The following SLC22A14 variants were observed in gnomAD, a reference collection of about 807,000 sequenced individuals.
SLC22A14 encodes organic cation transporter-like 4.
SLC22A14 carries 50 observed loss-of-function variants against 53.9 expected under a neutral mutation model. The ratio of observed to expected loss-of-function variants is 0.93; its 90% confidence interval spans 0.74 to 1.17. SLC22A14 has a LOEUF of 1.17. Among genes scored for constraint, SLC22A14 ranks in the 50% most tolerant of loss-of-function variants. The probability of loss-of-function intolerance (pLI) is 0.00; values close to 1 mark genes in which losing one functional copy is unlikely to be tolerated. For missense variants in SLC22A14, 671 were observed against 734.7 expected (o/e 0.91, Z 1.00); for synonymous variants, 312 against 303.0 (o/e 1.03, Z -0.31).
chr3:38,303,595 ATTG>A (rs997453151), intron 1 of SLC22A14, among the ~76,000 whole-genome samples: 17 of 151,978 alleles, frequency 1.1e-4, no homozygotes, highest in African/African-American at 3.9e-4. Flanking sequence ...AAGACTCAAT[ATTG>A]TTGTTAAGAT....
intron 1 of SLC22A14, among the ~76,000 whole-genome samples, chr3:38,293,356 A>T (rs933874506): frequency 6.6e-6 from 1 of 152,132 alleles, no homozygotes; most frequent in Non-Finnish European, 1.5e-5. Context: ...CCATGACTAA[A>T]GTGGTGGCCT....
At position 38,318,270 on chromosome 3, in the gene SLC22A14, T is replaced by C; in HGVS notation, c.*21T>C. On this transcript the variant is annotated 3_prime_UTR_variant, in exon 11 of 11. Transcript: ENST00000448498. ...TCTGAGGAAGCGGCCAAGAATGTCA[T>C]TCTCAATGCCCAGATCCTGAGATTG... 1 of 1,607,314 alleles carries C rather than the reference T, an allele frequency of 6.2e-7. No individual in the cohort carries two copies. Among genetic ancestry groups the C allele is most frequent in the Non-Finnish European group, 8.5e-7 (1 of 1,173,728 alleles).
intron 1 of SLC22A14, among the ~76,000 whole-genome samples, chr3:38,301,807 A>T (rs1432183677): frequency 6.7e-6 from 1 of 148,798 alleles, no homozygotes; most frequent in African/African-American, 2.5e-5. Context: ...TTTTCTTAGG[A>T]TTTTTCTTTA....
chr3:38,284,010 C>T (rs1703731133), intron 1 of SLC22A14, among the ~76,000 whole-genome samples: 1 of 152,180 alleles, frequency 6.6e-6, no homozygotes, highest in African/African-American at 2.4e-5. Context: ...AAATCACATT[C>T]CAAGACACAG....
At chr3:38,313,596 A>G (rs1485865666) in intron 7 of SLC22A14, 111 bp downstream of exon 7, 1 of 958,388 alleles carries the variant, frequency 1.0e-6, no homozygotes, top group African/African-American at 1.6e-5. Flanking sequence ...AAGGACACAG[A>G]TCACAGGTCT....
chr3:38,307,561 T>A lies in SLC22A14; in HGVS notation c.621-5T>A. ...CTTGGTGCAGCCTCCCTTTGACACC[T>A]GTAGGATGGGCCGCTACCCTGCCAT... On this transcript the variant is annotated splice_region_variant and splice_polypyrimidine_tract_variant and intron_variant, in intron 3 of 10. Transcript: ENST00000448498. This position sits in a 1 kb window ranked among gnomAD's most constrained non-coding sequence, Gnocchi z 4.4. 6.2e-7 allele frequency: 1 copy of A among 1,613,434 alleles called. No homozygotes were observed. Among genetic ancestry groups the A allele is most frequent in the Non-Finnish European group, 8.5e-7 (1 of 1,179,684 alleles).
Position 38,315,565 on chromosome 3 carries a change from T to A in SLC22A14, c.1386T>A (p.Asp462Glu). 6.2e-7 allele frequency: 1 copy of A among 1,613,730 alleles called. No homozygotes were observed. The highest frequency in any genetic ancestry group is 2.2e-5 in the East Asian group (1 of 44,860). The part of the protein sequence containing the change: ...LLLLFLPEGE[D>E]GLRLKWPRCP... ...CTCCTTCACCCACCCCAGGGGAGGA[T>A]GGCCTCAGACTCAAGTGGCCACGTT... The change falls in exon 9 of 11, where the codon GAT (aspartate) becomes GAA (glutamate). Residue 462 changes from aspartate (D) to glutamate (E), a missense_variant. Asp to Glu is a conservative substitution (Grantham distance 45, BLOSUM62 2). Coordinates refer to ENST00000448498, the MANE Select transcript of SLC22A14 (RefSeq NM_001320033.2).
chr3:38,289,451 C>T (rs1233731355), intron 1 of SLC22A14, among the ~76,000 whole-genome samples: 1 of 152,148 alleles, frequency 6.6e-6, no homozygotes, highest in African/African-American at 2.4e-5. Context: ...CCAGAGCTCC[C>T]AAGATGGTGG....
chr3:38,284,225 C>T (rs1703738435), intron 1 of SLC22A14, among the ~76,000 whole-genome samples: 1 of 152,202 alleles, frequency 6.6e-6, no homozygotes, highest in African/African-American at 2.4e-5. Context: ...TTCTCCATCC[C>T]TGTCCGCCCT....
Position 38,307,826 on chromosome 3 carries a change from T to G in SLC22A14, c.775+106T>G. ...CAGGGGGCGTGGCGGCATAGGCAGA[T>G]GGCAAGGGGGCGTGGTGTAGCTGTA... On this transcript the variant is annotated intron_variant, in intron 4 of 10. Transcript: ENST00000448498. This position sits in a 1 kb window ranked among gnomAD's most constrained non-coding sequence, Gnocchi z 4.4. The G allele has an allele frequency of 7.9e-7, 1 of 1,258,322 alleles. No individual in the cohort carries two copies. 77.9% of individuals were successfully genotyped at this position (1,258,322 alleles called of 1,614,324 possible).
chr3:38,280,368 G>C (rs555602040), upstream of SLC22A14, among the ~76,000 whole-genome samples: 3 of 152,272 alleles, frequency 2.0e-5, no homozygotes, highest in South Asian at 6.2e-4. Context: ...ACATTGAACA[G>C]CAAGCCCCTT....
intron 1 of SLC22A14, among the ~76,000 whole-genome samples, chr3:38,283,176 C>T (rs1360974441): frequency 1.3e-5 from 2 of 152,220 alleles, no homozygotes; most frequent in Middle Eastern, 3.4e-3. Flanking sequence ...GGGTCTTATG[C>T]ATTTAAGGAT....
intron 5 of SLC22A14, 107 bp downstream of exon 5, chr3:38,309,229 G>C (rs1251356477): frequency 3.0e-6 from 3 of 996,828 alleles, no homozygotes; most frequent in Non-Finnish European, 4.7e-6. Context: ...TTTCCCCTGG[G>C]AGAAAGTGCA....
intron 1 of SLC22A14, among the ~76,000 whole-genome samples, chr3:38,299,679 T>G (rs1408593554): frequency 1.3e-5 from 2 of 152,196 alleles, no homozygotes; most frequent in African/African-American, 4.8e-5. Flanking sequence ...TCTCTTGCTT[T>G]AGCCTCCCAA....
chr3:38,308,920 TAA>T, intron 4 of SLC22A14, 32 bp from the exon 5 acceptor site: 1 of 1,605,520 alleles, frequency 6.2e-7, no homozygotes, highest in South Asian at 1.1e-5. Flanking sequence ...GACCCTGACG[TAA>T]CCATGGTTTT....
At chr3:38,289,620 T>C (rs1388187990) in intron 1 of SLC22A14, among the ~76,000 whole-genome samples, 2 of 152,202 alleles carry the variant, frequency 1.3e-5, no homozygotes, top group African/African-American at 4.8e-5. Context: ...CAGCTACTAG[T>C]GTTCAGCTCG....
intron 1 of SLC22A14, chr3:38,305,629 T>TGGTGA: frequency 5.8e-6 from 1 of 172,978 alleles, no homozygotes; most frequent in Non-Finnish European, 1.2e-5. Context: ...CAGCCGACGA[T>TGGTGA]GCAGATCTTT....
intron 5 of SLC22A14, among the ~76,000 whole-genome samples, chr3:38,312,199 C>T (rs1704486197): frequency 6.6e-6 from 1 of 152,152 alleles, no homozygotes. Flanking sequence ...GGGACTGAGG[C>T]TGTACCAGTC....
At chr3:38,308,524 G>C (rs1704377990) in intron 4 of SLC22A14, among the ~76,000 whole-genome samples, 1 of 152,226 alleles carries the variant, frequency 6.6e-6, no homozygotes, top group Admixed American at 6.5e-5. Context: ...TAGTTGCTCG[G>C]GGTTTCCTGG....
Sources: gnomAD v4.1 joint callset for allele counts (sites outside exome capture counted in the v4.1 genomes callset) on GRCh38, gnomAD v4.1.1 for gene constraint, Gnocchi (gnomAD v3.1) non-coding constraint, MANE v1.5 for transcripts, NCBI Gene and HGNC (gene_info 2026-07-23, HGNC 2026-07-21) for gene names.